Variants in ANKS1B observed in about 807,000 individuals in gnomAD.
The protein encoded by ANKS1B is ankyrin repeat and sterile alpha motif domain containing 1B.
In ANKS1B, 36 loss-of-function variants were observed where a neutral mutation model predicts 148.3. The ratio of observed to expected loss-of-function variants is 0.24; its 90% CI spans 0.19 to 0.32. ANKS1B has a LOEUF of 0.32. Ranked by LOEUF, ANKS1B falls within the 10% of genes least tolerant of loss-of-function variation. ANKS1B has a pLI of 1.00. For missense variants in ANKS1B, 1,157 were observed against 1,542.6 expected, an observed-to-expected ratio of 0.75 and a Z score of 4.19; for synonymous variants, 542 against 560.8, an observed-to-expected ratio of 0.97 and a Z score of 0.47.
At chr12:98,789,945 G>A (rs908731893) in intron 22 of ANKS1B, among the ~76,000 whole-genome samples, 2 of 152,090 alleles carry the variant, frequency 1.3e-5, no homozygotes, top group African/African-American at 4.8e-5. Context: ...TAATTGGTCT[G>A]GAGGATTACA....
At chr12:98,774,156 T>A (rs1271557978) in intron 24 of ANKS1B, among the ~76,000 whole-genome samples, 2 of 152,202 alleles carry the variant, frequency 1.3e-5, no homozygotes, top group East Asian at 3.9e-4. Context: ...CCACTGTGTA[T>A]AATTAGGAGG....
chr12:99,742,399 T>A (rs570243503), intron 8 of ANKS1B, among the ~76,000 whole-genome samples: 28 of 152,246 alleles, frequency 1.8e-4, no homozygotes, highest in South Asian at 1.0e-3. Flanking sequence ...TATAATTTTT[T>A]AAAAAATCTA....
At chr12:99,436,910 C>A (rs554422171) in intron 11 of ANKS1B, among the ~76,000 whole-genome samples, 1 of 151,902 alleles carries the variant, frequency 6.6e-6, no homozygotes, top group Non-Finnish European at 1.5e-5. Flanking sequence ...CTCTTTGCTT[C>A]TTTTTGCTAT....
At chr12:98,894,671 C>A (rs2099760137) in intron 17 of ANKS1B, 1 of 985,678 alleles carries the variant, frequency 1.0e-6, no homozygotes, top group Non-Finnish European at 1.2e-6. Context: ...TCCGCGAGGG[C>A]TGGCGGGCTC....
chr12:99,741,641 A>G (rs2060123618), intron 8 of ANKS1B, among the ~76,000 whole-genome samples: 1 of 152,202 alleles, frequency 6.6e-6, no homozygotes, highest in Non-Finnish European at 1.5e-5. Context: ...AAACTAACAC[A>G]GGAACAGAAA....
At chr12:99,948,749 G>A (rs1262178419) in intron 1 of ANKS1B, among the ~76,000 whole-genome samples, 2 of 152,210 alleles carry the variant, frequency 1.3e-5, no homozygotes, top group African/African-American at 2.4e-5. Flanking sequence ...AATAGACGAT[G>A]TAACAGAGAT....
At chr12:99,594,582 T>C (rs755840741) in intron 9 of ANKS1B, among the ~76,000 whole-genome samples, 97 of 152,064 alleles carry the variant, frequency 6.4e-4, no homozygotes, top group Non-Finnish European at 1.1e-3. Context: ...TGGATGAATC[T>C]TCAGGACATT....
At chr12:99,813,364 A>G (rs1042493303) in intron 2 of ANKS1B, among the ~76,000 whole-genome samples, 1 of 151,416 alleles carries the variant, frequency 6.6e-6, no homozygotes, top group Non-Finnish European at 1.5e-5. Context: ...ATGAAATGCT[A>G]GTCAGACACA....
At chr12:98,936,654 G>A (rs905667981) in intron 17 of ANKS1B, among the ~76,000 whole-genome samples, 2 of 151,852 alleles carry the variant, frequency 1.3e-5, no homozygotes, top group Admixed American at 6.6e-5. Context: ...ATTCTTGTGT[G>A]TACATAATAG....
chr12:99,804,473 G>A (rs899291174), intron 4 of ANKS1B, among the ~76,000 whole-genome samples: 3 of 152,074 alleles, frequency 2.0e-5, no homozygotes, highest in Admixed American at 2.0e-4. Flanking sequence ...ACTAAATAAT[G>A]CAGGCAAAGC....
At chr12:99,452,924 C>T (rs1214474413) in intron 10 of ANKS1B, among the ~76,000 whole-genome samples, 1 of 152,160 alleles carries the variant, frequency 6.6e-6, no homozygotes, top group Non-Finnish European at 1.5e-5. Context: ...TGAGCCCCAC[C>T]TCATGGTATT....
At chr12:99,486,995 G>A (rs901043607) in intron 10 of ANKS1B, among the ~76,000 whole-genome samples, 1 of 152,144 alleles carries the variant, frequency 6.6e-6, no homozygotes, top group East Asian at 1.9e-4. Context: ...GGACAAGGGG[G>A]GAATGACATC....
chr12:99,974,637 C>T (rs930534218), intron 1 of ANKS1B, among the ~76,000 whole-genome samples: 1 of 151,944 alleles, frequency 6.6e-6, no homozygotes, highest in Non-Finnish European at 1.5e-5. Context: ...TTTGGGAGGC[C>T]AAGTCAGGAG....
At chr12:98,918,019 T>TA (rs760217625) in intron 17 of ANKS1B, among the ~76,000 whole-genome samples, 4 of 152,246 alleles carry the variant, frequency 2.6e-5, no homozygotes, top group Admixed American at 6.5e-5. Context: ...AGGCTATTTA[T>TA]GTTCACTGCA....
At chr12:99,276,042 C>T (rs1388744) in intron 12 of ANKS1B, among the ~76,000 whole-genome samples, 49,523 of 152,042 alleles carry the variant, frequency 0.33, 9,793 homozygotes, top group African/African-American at 0.56. Context: ...AGAGAAAAAA[C>T]TGTCCTGGAT....
chr12:98,832,591 C>T (rs2099327822), intron 17 of ANKS1B, among the ~76,000 whole-genome samples: 1 of 152,244 alleles, frequency 6.6e-6, no homozygotes, highest in African/African-American at 2.4e-5. Context: ...GGCCTCTACC[C>T]CTGCTCAACC....
intron 10 of ANKS1B, among the ~76,000 whole-genome samples, chr12:99,444,425 T>C (rs2095601878): frequency 6.6e-6 from 1 of 151,966 alleles, no homozygotes; most frequent in Non-Finnish European, 1.5e-5. Context: ...GCTAAATGAA[T>C]AAAATTTCAG....
chr12:99,758,716 C>T (rs929862174), intron 8 of ANKS1B, among the ~76,000 whole-genome samples: 3 of 151,830 alleles, frequency 2.0e-5, no homozygotes, highest in African/African-American at 7.2e-5. Context: ...AATTCCTGTT[C>T]TCTACCCTAT....
chr12:99,460,666 T>C (rs556403520), intron 10 of ANKS1B, among the ~76,000 whole-genome samples: 2 of 151,782 alleles, frequency 1.3e-5, no homozygotes, highest in African/African-American at 4.8e-5. Context: ...TCACTAATGA[T>C]CAGGGAAATG....
Sources: gnomAD v4.1 joint callset for allele counts (sites outside exome capture counted in the v4.1 genomes callset) on GRCh38, gnomAD v4.1.1 for gene constraint, MANE v1.5 for transcripts, NCBI Gene and HGNC (gene_info 2026-07-23, HGNC 2026-07-21) for gene names.